Variants in NRXN1 observed in about 807,000 individuals in gnomAD.
NRXN1 encodes neurexin-1.
In NRXN1, 39 loss-of-function variants were observed where a neutral mutation model predicts 150.9. That is an observed-to-expected ratio of 0.26 (90% CI 0.20 to 0.34). The LOEUF is 0.34. Among genes scored for constraint, NRXN1 ranks in the 10% least tolerant of loss-of-function variants. The pLI, the probability that NRXN1 is intolerant of heterozygous loss-of-function variation, is 1.00. For missense variants in NRXN1, 1,815 were observed against 1,949.9 expected (o/e 0.93, Z 1.30); for synonymous variants, 924 against 757.0 (o/e 1.22, Z -3.62).
intron 18 of NRXN1, among the ~76,000 whole-genome samples, chr2:50,176,045 T>C (rs2152805746): frequency 6.6e-6 from 1 of 152,134 alleles, no homozygotes; most frequent in African/African-American, 2.4e-5. Flanking sequence ...TAGAACTGAG[T>C]CCCTCCTGCT....
chr2:50,970,376 C>A (rs768900076), intron 2 of NRXN1, among the ~76,000 whole-genome samples: 1 of 152,124 alleles, frequency 6.6e-6, no homozygotes, highest in South Asian at 2.1e-4. Context: ...CCCAACAGTA[C>A]CCAAAAGCCC....
rs546658539 is a variant in NRXN1, at chr2:50,207,187, T to A, written c.3546+29602A>T. Among the ~76,000 whole-genome samples the A allele has an allele frequency of 5.3e-5, 8 of 152,242 alleles. No homozygotes were observed. In the South Asian group the frequency reaches 8.3e-4, roughly 16 times the overall value. ...GAGAGGTAAGACACATTCACCAAACTATCTTCACATTTTATCTACCTGATT... is the reference window on the plus strand; with the variant it reads ...GAGAGGTAAGACACATTCACCAAACAATCTTCACATTTTATCTACCTGATT... On this transcript the variant is annotated intron_variant, in intron 18 of 22. Transcript: ENST00000401669.
chr2:50,234,719 G>A (rs1473518386), intron 18 of NRXN1, among the ~76,000 whole-genome samples: 1 of 151,924 alleles, frequency 6.6e-6, no homozygotes, highest in Non-Finnish European at 1.5e-5. Flanking sequence ...TACGAGCAAG[G>A]GAGATTTTGA....
At chr2:51,025,098 C>A (rs1459634587) in intron 2 of NRXN1, among the ~76,000 whole-genome samples, 1 of 152,096 alleles carries the variant, frequency 6.6e-6, no homozygotes, top group Non-Finnish European at 1.5e-5. Flanking sequence ...ACTGACTCTG[C>A]CTTTATCACT....
At chr2:50,795,397 C>G (rs1311854368) in intron 5 of NRXN1, among the ~76,000 whole-genome samples, 6 of 152,110 alleles carry the variant, frequency 3.9e-5, no homozygotes, top group Non-Finnish European at 8.8e-5. Context: ...TTTTTTCTCC[C>G]TTACTTTTAT....
At chr2:50,656,138 T>C (rs1395178633) in intron 5 of NRXN1, among the ~76,000 whole-genome samples, 2 of 151,906 alleles carry the variant, frequency 1.3e-5, no homozygotes, top group African/African-American at 4.8e-5. Context: ...CTGAAATAAC[T>C]TCCAAACTAT....
intron 18 of NRXN1, among the ~76,000 whole-genome samples, chr2:50,211,145 A>G (rs1207987050): frequency 6.6e-6 from 1 of 151,652 alleles, no homozygotes; most frequent in African/African-American, 2.4e-5. Flanking sequence ...ATTTTAGGAG[A>G]AAACTTGTTG....
intron 12 of NRXN1, among the ~76,000 whole-genome samples, chr2:50,515,834 C>A (rs1373500138): frequency 6.6e-6 from 1 of 152,106 alleles, no homozygotes; most frequent in African/African-American, 2.4e-5. Context: ...GGAGCTACCA[C>A]TGCTTGATGC....
intron 2 of NRXN1, among the ~76,000 whole-genome samples, chr2:50,980,346 TTAA>T (rs1696589056): frequency 6.6e-6 from 1 of 152,098 alleles, no homozygotes; most frequent in Admixed American, 6.6e-5. Context: ...GTTGTATATA[TTAA>T]TAATGAGCTG....
intron 21 of NRXN1, among the ~76,000 whole-genome samples, chr2:50,009,157 G>A (rs930728239): frequency 1.3e-5 from 2 of 151,934 alleles, no homozygotes; most frequent in East Asian, 1.9e-4. Flanking sequence ...TGATAGTATC[G>A]ATATATTTGG....
intron 11 of NRXN1, among the ~76,000 whole-genome samples, chr2:50,530,541 T>G (rs898373215): frequency 3.9e-5 from 6 of 152,130 alleles, no homozygotes; most frequent in Non-Finnish European, 7.4e-5. Context: ...TCTAGATTGG[T>G]GAGGTTTTAC....
chr2:50,269,123 C>A (rs1421142190), intron 17 of NRXN1, among the ~76,000 whole-genome samples: 1 of 152,160 alleles, frequency 6.6e-6, no homozygotes, highest in African/African-American at 2.4e-5. Flanking sequence ...AGGGAAAGTG[C>A]CTTGCCTAAG....
chr2:50,082,598 CATT>C (rs1422001980), intron 19 of NRXN1, among the ~76,000 whole-genome samples: 4 of 152,118 alleles, frequency 2.6e-5, no homozygotes, highest in Non-Finnish European at 1.5e-5. Context: ...GTAAAAAGTT[CATT>C]AAAAACTCGC....
At chr2:50,525,486 T>C (rs2092925998) in intron 12 of NRXN1, among the ~76,000 whole-genome samples, 1 of 152,188 alleles carries the variant, frequency 6.6e-6, no homozygotes, top group African/African-American at 2.4e-5. Flanking sequence ...TGGTGAGCCA[T>C]GGATAATTCA....
chr2:49,931,573 T>C (rs1670121714), intron 22 of NRXN1, among the ~76,000 whole-genome samples: 1 of 151,976 alleles, frequency 6.6e-6, no homozygotes, highest in African/African-American at 2.4e-5. Context: ...TCAGTCCTGT[T>C]GCTATTGGAA....
At chr2:50,032,976 A>G (rs1399639050) in intron 21 of NRXN1, among the ~76,000 whole-genome samples, 4 of 151,738 alleles carry the variant, frequency 2.6e-5, no homozygotes, top group African/African-American at 9.7e-5. Flanking sequence ...CCATATTTAT[A>G]TACTGTGTAT....
At chr2:50,367,430 C>T (rs991839788) in intron 17 of NRXN1, among the ~76,000 whole-genome samples, 1 of 151,996 alleles carries the variant, frequency 6.6e-6, no homozygotes, top group Non-Finnish European at 1.5e-5. Context: ...GCCATACATT[C>T]TTTCATCCAC....
At chr2:50,642,482 C>T (rs1019257744) in intron 5 of NRXN1, among the ~76,000 whole-genome samples, 2 of 151,698 alleles carry the variant, frequency 1.3e-5, no homozygotes, top group Non-Finnish European at 2.9e-5. Context: ...AAATTTGACT[C>T]GATCTAAGGT....
chr2:50,448,144 C>T (rs544151959), intron 17 of NRXN1, among the ~76,000 whole-genome samples: 2 of 152,106 alleles, frequency 1.3e-5, no homozygotes, highest in East Asian at 3.9e-4. Flanking sequence ...TGAATGTTCA[C>T]TTTTATAGAT....
Sources: allele counts gnomAD v4.1 joint callset (sites outside exome capture counted in the v4.1 genomes callset), GRCh38; gene constraint gnomAD v4.1.1; transcripts MANE v1.5; gene names NCBI Gene and HGNC (gene_info 2026-07-23, HGNC 2026-07-21).